SIGLEC7: variants seen among roughly 807,000 people sequenced by gnomAD.
SIGLEC7 encodes sialic acid-binding Ig-like lectin 7.
In SIGLEC7, 33 loss-of-function variants were observed where a neutral mutation model predicts 40.8. The ratio of observed to expected loss-of-function variants is 0.81; its 90% CI spans 0.61 to 1.08. The LOEUF is 1.08. SIGLEC7 is among the 50% of genes least tolerant of loss of function. SIGLEC7 has a pLI of 0.00. For missense variants in SIGLEC7, 513 were observed against 576.1 expected (o/e 0.89, Z 1.12); for synonymous variants, 242 against 237.6 (o/e 1.02, Z -0.17).
Position 51,142,899 on chromosome 19 carries a change from TGATG to T in SIGLEC7, c.433+100_433+103del. On this transcript the variant is annotated intron_variant, in intron 1 of 6. Coordinates refer to ENST00000317643, the MANE Select transcript of SIGLEC7 (RefSeq NM_014385.4). The surrounding 1 kb of genome is among the most constrained non-coding windows in gnomAD (Gnocchi z 5.0). ...ACATGTCCTGGGAGGGGGCCGGGGG[TGATG>T]GACTCAGGAGAGGAGCTGGACCAGA... 1 of 1,316,058 alleles carries T rather than the reference TGATG, an allele frequency of 7.6e-7. No individual in the cohort carries two copies. Among genetic ancestry groups the T allele is most frequent in the Non-Finnish European group, 1.1e-6 (1 of 952,186 alleles). The allele number at this position is 1,316,058 out of a possible 1,614,324, so 81.5% of individuals were successfully genotyped here. A position where few individuals can be genotyped will look rare whatever the true frequency, so the allele number is the denominator to read the frequency against.
rs1008214350 is a variant in SIGLEC7, at chr19:51,144,798, G to T, written c.712+114G>T. The T allele has an allele frequency of 2.5e-6, 4 of 1,578,674 alleles. No homozygotes were observed. In the Admixed American group the frequency reaches 5.1e-5, roughly 20 times the overall value. On this transcript the variant is annotated intron_variant, in intron 2 of 6. Coordinates refer to ENST00000317643, the MANE Select transcript of SIGLEC7 (RefSeq NM_014385.4). ...CTGGGTCCCAGAATCTGGGCTGGTT[G>T]TGGGATCAGGAGGACGCTGGCTCCG...
chr19:51,142,849 C>T lies in SIGLEC7; in HGVS notation c.433+47C>T, dbSNP rs1383482097. On this transcript the variant is annotated intron_variant, in intron 1 of 6. Coordinates refer to ENST00000317643, the MANE Select transcript of SIGLEC7 (RefSeq NM_014385.4). This position sits in a 1 kb window ranked among gnomAD's most constrained non-coding sequence, Gnocchi z 5.0. ...AGGCCAAAGGCAAATGTGATGAGGGCTTTAGGGCACGGCTGAGACGGGACA... is the reference window on the plus strand; with the variant it reads ...AGGCCAAAGGCAAATGTGATGAGGGTTTTAGGGCACGGCTGAGACGGGACA... The T allele has an allele frequency of 3.3e-6, 5 of 1,531,706 alleles. No individual in the cohort carries two copies. The African/African-American group carries it at 6.9e-5, about 21-fold the overall frequency. 94.9% of individuals were successfully genotyped at this position (1,531,706 alleles called of 1,614,324 possible).
At chr19:51,148,576 T>A (rs1365710501) in intron 6 of SIGLEC7, among the ~76,000 whole-genome samples, 1 of 152,240 alleles carries the variant, frequency 6.6e-6, no homozygotes, top group East Asian at 1.9e-4. Context: ...ATTTTCTTTA[T>A]CCATTCTGTC....
In SIGLEC7 at chr19:51,144,694, G is replaced by A. The variant is rs1195624950; in HGVS notation, c.712+10G>A. 2 of 1,611,484 alleles carry A rather than the reference G, an allele frequency of 1.2e-6. No homozygotes were observed. The highest frequency in any genetic ancestry group is 1.3e-5 in the African/African-American group (1 of 75,024). ...CAACTCAATGTGTCCTGTGAGTGCT[G>A]AGCCAGGACGCCCTGGTCCCTGATG... On this transcript the variant is annotated intron_variant, in intron 2 of 6. Coordinates refer to ENST00000317643, the MANE Select transcript of SIGLEC7 (RefSeq NM_014385.4).
chr19:51,144,201 C>T, intron 1 of SIGLEC7: 3 of 788,150 alleles, frequency 3.8e-6, no homozygotes, highest in South Asian at 3.1e-5. Context: ...GTGAATGTGA[C>T]AGATAAGGCA....
Position 51,144,328 on chromosome 19 carries a change from T to C in SIGLEC7, c.434-78T>C. The C allele has an allele frequency of 3.3e-6, 5 of 1,520,626 alleles. No individual in the cohort carries two copies. In the South Asian group the frequency reaches 3.8e-5, roughly 12 times the overall value. 94.2% of individuals were successfully genotyped at this position (1,520,626 alleles called of 1,614,324 possible). ...AGCGAGTTGGGCTCAGGGCAGAAGC[T>C]GAACCAGAGCCTGAGCTTCCCCCAG... On this transcript the variant is annotated intron_variant, in intron 1 of 6. Coordinates refer to ENST00000317643, the MANE Select transcript of SIGLEC7 (RefSeq NM_014385.4).
intron 6 of SIGLEC7, among the ~76,000 whole-genome samples, chr19:51,151,834 G>A (rs1473413633): frequency 1.3e-5 from 2 of 152,192 alleles, no homozygotes; most frequent in African/African-American, 4.8e-5. Flanking sequence ...ATTAATTTGA[G>A]TAATCAAGAG....
In SIGLEC7 at chr19:51,147,174, C is replaced by T. The variant is rs369520514; in HGVS notation, c.1125-47C>T. The T allele has an allele frequency of 1.9e-6, 3 of 1,608,918 alleles. No homozygotes were observed. The South Asian group carries it at 3.3e-5, about 18-fold the overall frequency. Reference sequence around the variant, plus strand: ...AGGGCAGGGGTTGGTCTGCCCACTGCACCCCGATCTGACCACACTGAAAGG... The same window carrying T: ...AGGGCAGGGGTTGGTCTGCCCACTGTACCCCGATCTGACCACACTGAAAGG... On this transcript the variant is annotated intron_variant, in intron 5 of 6. Coordinates refer to ENST00000317643, the MANE Select transcript of SIGLEC7 (RefSeq NM_014385.4).
At chr19:51,147,644 C>G (rs535068695) in intron 6 of SIGLEC7, among the ~76,000 whole-genome samples, 1 of 152,094 alleles carries the variant, frequency 6.6e-6, no homozygotes, top group Non-Finnish European at 1.5e-5. Context: ...ATCCTAAACT[C>G]TCTCAATGCT....
At chr19:51,143,936 T>A in intron 1 of SIGLEC7, 1 of 465,858 alleles carries the variant, frequency 2.1e-6, no homozygotes. Context: ...CTATTACAAC[T>A]GAACTGACTC....
chr19:51,143,841 T>A lies in SIGLEC7; in HGVS notation c.434-565T>A, dbSNP rs552673059. ...TTCCCCACAGCGTCCCAGGCCCCAC[T>A]GTCAAGATACAGGCTGGAGGTGCTG... is the stretch of plus-strand genomic sequence containing the variant. On this transcript the variant is annotated intron_variant, in intron 1 of 6. Coordinates refer to ENST00000317643, the MANE Select transcript of SIGLEC7 (RefSeq NM_014385.4). The A allele has an allele frequency of 2.7e-4, 112 of 418,316 alleles. 1 individual carries two copies. The highest frequency in any genetic ancestry group is 2.1e-3 in the South Asian group (106 of 51,414). 25.9% of individuals were successfully genotyped at this position (418,316 alleles called of 1,614,324 possible). A position where few individuals can be genotyped will look rare whatever the true frequency, so the allele number is the denominator to read the frequency against.
chr19:51,151,892 C>T (rs1246368893), intron 6 of SIGLEC7, among the ~76,000 whole-genome samples: 1 of 152,226 alleles, frequency 6.6e-6, no homozygotes, highest in Non-Finnish European at 1.5e-5. Context: ...GCATCTTCTG[C>T]ACAGGGGAGC....
In SIGLEC7 at chr19:51,142,985, C is replaced by A. The variant is rs1179718209; in HGVS notation, c.433+183C>A. 6.6e-6 allele frequency among the ~76,000 whole-genome samples: 1 copy of A among 152,080 alleles called. No homozygotes were observed. Among genetic ancestry groups the A allele is most frequent in the Non-Finnish European group, 1.5e-5 (1 of 68,016 alleles). ...GCCCCTCCTGATCCTGCAGGCCCCT[C>A]CCCTCACCAGCCCTGACCCACAGGC... On this transcript the variant is annotated intron_variant, in intron 1 of 6. Coordinates refer to ENST00000317643, the MANE Select transcript of SIGLEC7 (RefSeq NM_014385.4). The surrounding 1 kb of genome is among the most constrained non-coding windows in gnomAD (Gnocchi z 5.0).
intron 6 of SIGLEC7, among the ~76,000 whole-genome samples, chr19:51,147,659 C>T (rs921664574): frequency 2.0e-5 from 3 of 152,008 alleles, no homozygotes; most frequent in Non-Finnish European, 4.4e-5. Flanking sequence ...AATGCTGAGG[C>T]CTGAGGATCT....
At chr19:51,147,818 T>C (rs868655759) in intron 6 of SIGLEC7, among the ~76,000 whole-genome samples, 6 of 152,144 alleles carry the variant, frequency 3.9e-5, no homozygotes, top group Admixed American at 2.6e-4. Context: ...GAAAATACTA[T>C]CTGGAAAGGC....
intron 6 of SIGLEC7, among the ~76,000 whole-genome samples, chr19:51,150,525 C>A (rs2092136786): frequency 6.6e-6 from 1 of 152,162 alleles, no homozygotes; most frequent in South Asian, 2.1e-4. Flanking sequence ...CTGATGGATT[C>A]AGTTTGCAAG....
At chr19:51,149,651 T>C (rs2092131718) in intron 6 of SIGLEC7, among the ~76,000 whole-genome samples, 1 of 152,212 alleles carries the variant, frequency 6.6e-6, no homozygotes, top group Non-Finnish European at 1.5e-5. Flanking sequence ...TTTGGTTTCA[T>C]ATGAATTTTA....
At position 51,153,185 on chromosome 19, in the gene SIGLEC7, G is replaced by A. The variant is rs1487155050; in HGVS notation, c.1344G>A (p.Gln448=). The change falls in exon 7 of 7, where the codon CAG becomes CAA. Residue 448 remains glutamine (Q), a synonymous_variant. Coordinates refer to ENST00000317643, the MANE Select transcript of SIGLEC7 (RefSeq NM_014385.4). ...TCAGCTTTCATAAGGGGGAGCCTCA[G>A]GACCTATCAGGACAAGAAGCCACCA... ...APLSFHKGEP[Q]DLSGQEATNN... is the part of the protein sequence containing the mutation. 6.2e-7 allele frequency: 1 copy of A among 1,607,002 alleles called. No individual in the cohort carries two copies. Among genetic ancestry groups the A allele is most frequent in the Non-Finnish European group, 8.5e-7 (1 of 1,176,796 alleles).
chr19:51,147,728 C>T (rs2092118899), intron 6 of SIGLEC7, among the ~76,000 whole-genome samples: 1 of 152,114 alleles, frequency 6.6e-6, no homozygotes, highest in Non-Finnish European at 1.5e-5. Context: ...TGGGAGGAAT[C>T]ATTCAGAAGC....
Sources: gnomAD v4.1 joint callset for allele counts (sites outside exome capture counted in the v4.1 genomes callset) on GRCh38, gnomAD v4.1.1 for gene constraint, Gnocchi (gnomAD v3.1) non-coding constraint, MANE v1.5 for transcripts, NCBI Gene and HGNC (gene_info 2026-07-23, HGNC 2026-07-21) for gene names.